The following PAK5 variants were observed in gnomAD, a reference collection of about 807,000 sequenced individuals.
PAK5 encodes p21 (RAC1) activated kinase 5.
PAK5 carries 16 observed loss-of-function variants against 65.9 expected under a neutral mutation model. The observed-to-expected ratio is 0.24, with a 90% CI of 0.16 to 0.37. The LOEUF (loss-of-function observed/expected upper bound fraction) is 0.37, where lower values mean the gene tolerates loss of function less well. Among genes scored for constraint, PAK5 ranks in the 10% least tolerant of loss-of-function variants. The pLI, the probability that PAK5 is intolerant of heterozygous loss-of-function variation, is 1.00. For synonymous variants in PAK5, 371 were observed against 354.9 expected (o/e 1.05, Z -0.51); for missense variants, 785 against 903.9 (o/e 0.87, Z 1.69).
intron 7 of PAK5, among the ~76,000 whole-genome samples, chr20:9,553,349 G>A (rs1300196799): frequency 1.3e-5 from 2 of 152,128 alleles, no homozygotes; most frequent in African/African-American, 4.8e-5. Context: ...GTGTAGAACA[G>A]TGCAAAAGTC....
intron 1 of PAK5, among the ~76,000 whole-genome samples, chr20:9,780,637 A>G (rs371910241): frequency 9.2e-5 from 14 of 151,986 alleles, no homozygotes; most frequent in African/African-American, 3.1e-4. Context: ...AATACATAAA[A>G]CAATACATCT....
intron 1 of PAK5, among the ~76,000 whole-genome samples, chr20:9,832,439 T>C (rs78915983): frequency 6.6e-6 from 1 of 152,064 alleles, no homozygotes; most frequent in African/African-American, 2.4e-5. Flanking sequence ...CACCCAGCTA[T>C]TTTTTTGTAT....
intron 2 of PAK5, among the ~76,000 whole-genome samples, chr20:9,683,079 T>C (rs1212576698): frequency 2.0e-5 from 3 of 152,240 alleles, no homozygotes; most frequent in Non-Finnish European, 4.4e-5. Context: ...GAAGTGAATC[T>C]ATATTGTTCA....
intron 3 of PAK5, among the ~76,000 whole-genome samples, chr20:9,606,639 C>T (rs896015570): frequency 2.0e-5 from 3 of 152,028 alleles, no homozygotes; most frequent in African/African-American, 7.2e-5. Context: ...GTTCAAAAAC[C>T]AGCAAAATGT....
At chr20:9,735,001 A>T (rs138917506) in intron 1 of PAK5, among the ~76,000 whole-genome samples, 17 of 152,346 alleles carry the variant, frequency 1.1e-4, no homozygotes, top group Admixed American at 2.0e-4. Context: ...TGTACAGGAA[A>T]AGGATTTTTC....
intron 2 of PAK5, 127 bp from the exon 3 acceptor site, chr20:9,644,466 G>T (rs2047107682): frequency 1.6e-6 from 1 of 636,320 alleles, no homozygotes; most frequent in Non-Finnish European, 2.7e-6. Context: ...AGCTGCAAAA[G>T]ATAAAAGTTG....
chr20:9,772,446 G>A (rs1266020050), intron 1 of PAK5, among the ~76,000 whole-genome samples: 4 of 124,034 alleles, frequency 3.2e-5, no homozygotes, highest in Non-Finnish European at 5.0e-5. Context: ...GAATATCCCC[G>A]CTAGGGGATG....
intron 1 of PAK5, among the ~76,000 whole-genome samples, chr20:9,823,993 T>C (rs755055087): frequency 3.7e-4 from 57 of 152,180 alleles, no homozygotes; most frequent in Admixed American, 5.9e-4. Flanking sequence ...ACCTAATTTA[T>C]AAGCCTACTG....
chr20:9,659,780 T>C (rs1384365682), intron 2 of PAK5, among the ~76,000 whole-genome samples: 2 of 152,202 alleles, frequency 1.3e-5, no homozygotes, highest in Non-Finnish European at 2.9e-5. Context: ...GAATCTGTCA[T>C]TGGATATTGC....
chr20:9,813,868 T>G (rs6118743), intron 1 of PAK5, among the ~76,000 whole-genome samples: 1 of 151,954 alleles, frequency 6.6e-6, no homozygotes, highest in African/African-American at 2.4e-5. Context: ...GTGTGCTCAC[T>G]TGGTGAAAAT....
At chr20:9,623,693 A>C (rs1366026116) in intron 3 of PAK5, among the ~76,000 whole-genome samples, 2 of 152,250 alleles carry the variant, frequency 1.3e-5, no homozygotes, top group Non-Finnish European at 2.9e-5. Flanking sequence ...TTTAAAGTTA[A>C]ATGCATTAAA....
chr20:9,577,865 T>C (rs1020150661), intron 4 of PAK5, among the ~76,000 whole-genome samples: 2 of 152,158 alleles, frequency 1.3e-5, no homozygotes, highest in Non-Finnish European at 2.9e-5. Flanking sequence ...TTGTTGTTGG[T>C]GGTGGTGAGC....
chr20:9,736,932 G>T (rs139589028), intron 1 of PAK5, among the ~76,000 whole-genome samples: 2 of 152,054 alleles, frequency 1.3e-5, no homozygotes, highest in African/African-American at 4.8e-5. Flanking sequence ...TATATGAACA[G>T]AGAAAAATAA....
In PAK5 at chr20:9,838,356, C is replaced by T. The variant is rs748708554; in HGVS notation, c.-162+406G>A. Among the ~76,000 whole-genome samples, 1 of 152,180 alleles carries T rather than the reference C, an allele frequency of 6.6e-6. No individual in the cohort carries two copies. The highest frequency in any genetic ancestry group is 1.5e-5 in the Non-Finnish European group (1 of 68,032). ...CAACACTTCTCGGGAAAAGCAGCGC[C>T]GTGGCACCCCCAGGGCGTGCGCTGC... is the stretch of plus-strand genomic sequence containing the variant. On this transcript the variant is annotated intron_variant, in intron 1 of 9. Coordinates refer to ENST00000353224, the MANE Select transcript of PAK5 (RefSeq NM_177990.4). This position sits in a 1 kb window ranked among gnomAD's most constrained non-coding sequence, Gnocchi z 4.5.
chr20:9,643,889 G>A (rs1600188917), intron 3 of PAK5, among the ~76,000 whole-genome samples: 1 of 152,280 alleles, frequency 6.6e-6, no homozygotes, highest in East Asian at 1.9e-4. Context: ...TTTTGTGATC[G>A]TGTTTTATGT....
rs191700216 is a variant in PAK5 at position 9,640,606 on chromosome 20, G to C, written c.204+3519C>G. 1.7e-3 allele frequency among the ~76,000 whole-genome samples: 266 copies of C among 152,300 alleles called. 1 individual carries two copies. Among genetic ancestry groups the C allele is most frequent in the African/African-American group, 5.9e-3 (246 of 41,560 alleles). ...GGGTTCTTGGTCTCACTGACTTCAA[G>C]AATGAAGCCGCGGACCCTCGCGGTG... On this transcript the variant is annotated intron_variant, in intron 3 of 9. Transcript: ENST00000353224.
chr20:9,540,904 T>C (rs964990141), intron 9 of PAK5, among the ~76,000 whole-genome samples: 3 of 152,206 alleles, frequency 2.0e-5, no homozygotes, highest in Middle Eastern at 3.4e-3. Flanking sequence ...GCTTGGCTAA[T>C]TTTTTGTATT....
At chr20:9,543,780 G>A (rs757503816) in intron 8 of PAK5, among the ~76,000 whole-genome samples, 1 of 152,138 alleles carries the variant, frequency 6.6e-6, no homozygotes, top group East Asian at 1.9e-4. Flanking sequence ...CTCTGGCCCT[G>A]CATTTTCACA....
At chr20:9,666,387 G>A (rs200594391) in intron 2 of PAK5, among the ~76,000 whole-genome samples, 51 of 113,720 alleles carry the variant, frequency 4.5e-4, no homozygotes, top group African/African-American at 4.7e-4. Context: ...TGAGAACTTG[G>A]AAAAAAAAAA....
Sources: allele counts gnomAD v4.1 joint callset (sites outside exome capture counted in the v4.1 genomes callset), GRCh38; gene constraint gnomAD v4.1.1; non-coding constraint Gnocchi (gnomAD v3.1); transcripts MANE v1.5; gene names NCBI Gene and HGNC (gene_info 2026-07-23, HGNC 2026-07-21).